ITGA8: variants seen among roughly 807,000 people sequenced by gnomAD.
ITGA8 encodes integrin alpha-8.
In ITGA8, 91 loss-of-function variants were observed where a neutral mutation model predicts 142.3. That is an observed-to-expected ratio of 0.64 (90% CI 0.54 to 0.76). The LOEUF (loss-of-function observed/expected upper bound fraction) is 0.76, where lower values mean the gene tolerates loss of function less well. Among genes scored for constraint, ITGA8 ranks in the 30% least tolerant of loss-of-function variants. ITGA8 has a pLI of 0.00. For synonymous variants in ITGA8, 505 were observed against 485.2 expected (o/e 1.04, Z -0.54); for missense variants, 1,406 against 1,327.7 (o/e 1.06, Z -0.92).
chr10:15,545,111 A>G lies in ITGA8; in HGVS notation c.2880+3344T>C, dbSNP rs138126414. ...TGAATGTCTACGGTTTTAAGCTGCT[A>G]GGTTTTGGGGAAATTTGTTATGCAC... On this transcript the variant is annotated intron_variant, in intron 27 of 29. Transcript: ENST00000378076. 2.6e-5 allele frequency among the ~76,000 whole-genome samples: 4 copies of G among 152,306 alleles called. No homozygotes were observed. The East Asian group carries it at 7.7e-4, about 29-fold the overall frequency.
At position 15,547,252 on chromosome 10, in the gene ITGA8, C is replaced by A. The variant is rs1235647216; in HGVS notation, c.2880+1203G>T. Among the ~76,000 whole-genome samples the A allele has an allele frequency of 1.3e-5, 2 of 152,180 alleles. 1 individual carries two copies. The highest frequency in any genetic ancestry group is 1.3e-4 in the Admixed American group (2 of 15,274). ...CAAAATGAAACTCTCATTTTCTTAG[C>A]ATAAAAGAGATTTTAAACTTTTAAA... On this transcript the variant is annotated intron_variant, in intron 27 of 29. Transcript: ENST00000378076.
At chr10:15,534,499 A>C (rs564115219) in intron 27 of ITGA8, among the ~76,000 whole-genome samples, 1 of 152,242 alleles carries the variant, frequency 6.6e-6, no homozygotes, top group Non-Finnish European at 1.5e-5. Flanking sequence ...ATCTCTGACC[A>C]CATGAATGAA....
At position 15,548,428 on chromosome 10, in the gene ITGA8, G is replaced by A. The variant is rs781146519; in HGVS notation, c.2880+27C>T. ...TGAAGCAGCTCCCAGTGAGCAGTGT[G>A]TATGTGCTTCTGTGGTTGTTTATTA... On this transcript the variant is annotated intron_variant, in intron 27 of 29. Transcript: ENST00000378076. 4.1e-6 allele frequency: 6 copies of A among 1,469,744 alleles called. No individual in the cohort carries two copies. In the South Asian group the frequency reaches 4.6e-5, roughly 11 times the overall value. The allele number at this position is 1,469,744 out of a possible 1,614,324, so 91.0% of individuals were successfully genotyped here. A position where few individuals can be genotyped will look rare whatever the true frequency, so the allele number is the denominator to read the frequency against.
intron 15 of ITGA8, among the ~76,000 whole-genome samples, chr10:15,611,871 A>T (rs1268399762): frequency 1.3e-5 from 2 of 152,176 alleles, no homozygotes; most frequent in Non-Finnish European, 2.9e-5. Flanking sequence ...AACCCTTAGA[A>T]TCAATTATCT....
intron 27 of ITGA8, among the ~76,000 whole-genome samples, chr10:15,542,390 C>G (rs1475002403): frequency 1.3e-5 from 2 of 152,078 alleles, no homozygotes; most frequent in East Asian, 1.9e-4. Flanking sequence ...AAACTTTAGT[C>G]AAATTGAAAT....
At chr10:15,616,922 T>A (rs1833403293) in intron 13 of ITGA8, among the ~76,000 whole-genome samples, 1 of 152,176 alleles carries the variant, frequency 6.6e-6, no homozygotes, top group Non-Finnish European at 1.5e-5. Context: ...TCATTACACA[T>A]TTCGTGTTAT....
chr10:15,664,998 C>T (rs1400779137), intron 8 of ITGA8, among the ~76,000 whole-genome samples: 2 of 152,112 alleles, frequency 1.3e-5, no homozygotes, highest in Non-Finnish European at 2.9e-5. Flanking sequence ...GTCTTTATAG[C>T]AGCATGATTT....
chr10:15,555,721 A>T (rs535538914), intron 26 of ITGA8, among the ~76,000 whole-genome samples: 4 of 150,374 alleles, frequency 2.7e-5, no homozygotes, highest in Non-Finnish European at 5.9e-5. Flanking sequence ...TTTGAGACGG[A>T]GTCTCGCTCT....
intron 9 of ITGA8, among the ~76,000 whole-genome samples, chr10:15,660,044 T>G (rs1834256427): frequency 6.6e-6 from 1 of 152,218 alleles, no homozygotes; most frequent in South Asian, 2.1e-4. Flanking sequence ...AATTTAAAAT[T>G]AGTTAAATTT....
chr10:15,539,569 C>T (rs1488527235), intron 27 of ITGA8, among the ~76,000 whole-genome samples: 1 of 152,108 alleles, frequency 6.6e-6, no homozygotes, highest in African/African-American at 2.4e-5. Flanking sequence ...TCTCTGTTCC[C>T]TGAGATCCTG....
At chr10:15,576,680 C>G (rs1325287522) in intron 23 of ITGA8, among the ~76,000 whole-genome samples, 2 of 152,144 alleles carry the variant, frequency 1.3e-5, no homozygotes, top group Non-Finnish European at 2.9e-5. Context: ...CTGTATATCT[C>G]TCTTTCTTCA....
rs147830543 is a variant in ITGA8 at position 15,683,385 on chromosome 10, G to C, written c.568+619C>G. On this transcript the variant is annotated intron_variant, in intron 4 of 29. Transcript: ENST00000378076. ...CTGGGGTATTCAACAGAGATAAAGT[G>C]ATTAAAACACAATGCCCCAAAGATG... Among the ~76,000 whole-genome samples, 557 of 144,316 alleles carry C rather than the reference G, an allele frequency of 3.9e-3. 5 individuals carry two copies. The highest frequency in any genetic ancestry group is 0.014 in the Middle Eastern group (4 of 286). The allele number at this position is 144,316 out of a possible 152,430, so 94.7% of individuals were successfully genotyped here.
rs954321380 is a variant in ITGA8, at chr10:15,516,900, C to T, written c.*258G>A. The T allele has an allele frequency of 4.0e-5, 14 of 349,754 alleles. No individual in the cohort carries two copies. The highest frequency in any genetic ancestry group is 4.7e-5 in the Non-Finnish European group (9 of 189,620). 21.7% of individuals were successfully genotyped at this position (349,754 alleles called of 1,614,324 possible). A position where few individuals can be genotyped will look rare whatever the true frequency, so the allele number is the denominator to read the frequency against. ...TTCAAAGTGTCTGCCAAGTACAGAA[C>T]GATTAAAGCAAAAGAAAATCTTCCA... is the stretch of plus-strand genomic sequence containing the variant. On this transcript the variant is annotated 3_prime_UTR_variant, in exon 30 of 30. Coordinates refer to ENST00000378076, the MANE Select transcript of ITGA8 (RefSeq NM_003638.3).
intron 19 of ITGA8, 69 bp from the exon 20 acceptor site, chr10:15,604,424 G>T (rs1170942269): frequency 5.4e-6 from 7 of 1,301,854 alleles, no homozygotes; most frequent in Non-Finnish European, 6.3e-6. Flanking sequence ...TTTATTTAAG[G>T]ATTTATAGAG....
At chr10:15,572,093 T>C (rs1834195304) in intron 25 of ITGA8, 118 bp downstream of exon 25, 2 of 739,100 alleles carry the variant, frequency 2.7e-6, no homozygotes. Context: ...TTCTGATCAA[T>C]GATCACTGAA....
intron 13 of ITGA8, among the ~76,000 whole-genome samples, chr10:15,636,619 A>C (rs1028711585): frequency 2.0e-5 from 3 of 151,994 alleles, no homozygotes; most frequent in African/African-American, 7.3e-5. Flanking sequence ...CATCTTTTAC[A>C]CCCACCTCTT....
chr10:15,716,023 G>T (rs796832446), intron 2 of ITGA8, among the ~76,000 whole-genome samples: 22 of 152,270 alleles, frequency 1.4e-4, no homozygotes, highest in African/African-American at 5.3e-4. Flanking sequence ...CCTGATGGCC[G>T]ACATGGGGAA....
chr10:15,630,581 T>C (rs925394623), intron 13 of ITGA8, among the ~76,000 whole-genome samples: 1 of 151,882 alleles, frequency 6.6e-6, no homozygotes, highest in Non-Finnish European at 1.5e-5. Context: ...CCTGAGGAAG[T>C]GACATTTGAC....
At position 15,659,710 on chromosome 10, in the gene ITGA8, T is replaced by A. The variant is rs181668526; in HGVS notation, c.892-655A>T. On this transcript the variant is annotated intron_variant, in intron 9 of 29. Transcript: ENST00000378076. ...AGTTAAGGATCTCAAGATGAAACCA[T>A]CCGGGTAGGCTCTAAATCCAATGAC... Among the ~76,000 whole-genome samples, 9 of 152,248 alleles carry A rather than the reference T, an allele frequency of 5.9e-5. No homozygotes were observed. The East Asian group carries it at 1.5e-3, about 26-fold the overall frequency.
Sources: allele counts gnomAD v4.1 joint callset (sites outside exome capture counted in the v4.1 genomes callset), GRCh38; gene constraint gnomAD v4.1.1; transcripts MANE v1.5; gene names NCBI Gene and HGNC (gene_info 2026-07-23, HGNC 2026-07-21).